The following LRRC4C variants were observed in gnomAD, a reference collection of about 807,000 sequenced individuals.
LRRC4C encodes the protein leucine rich repeat containing 4C, also known as leucine-rich repeat-containing protein 4C.
LRRC4C carries 5 observed loss-of-function variants against 33.6 expected under a neutral mutation model. The observed-to-expected ratio is 0.15, with a 90% CI of 0.08 to 0.31. The LOEUF is 0.31. LRRC4C is among the 10% of genes least tolerant of loss of function. The pLI is 1.00. For missense variants in LRRC4C, 560 were observed against 796.7 expected (o/e 0.70, Z 3.58); for synonymous variants, 329 against 302.0 (o/e 1.09, Z -0.93).
At chr11:40,471,251 A>G (rs915403389) in intron 3 of LRRC4C, among the ~76,000 whole-genome samples, 1 of 152,210 alleles carries the variant, frequency 6.6e-6, no homozygotes, top group Non-Finnish European at 1.5e-5. Flanking sequence ...AAAGAAAAGA[A>G]TTTTCAACCC....
At chr11:40,737,876 A>G (rs940869639) in intron 2 of LRRC4C, among the ~76,000 whole-genome samples, 2 of 152,172 alleles carry the variant, frequency 1.3e-5, no homozygotes, top group African/African-American at 2.4e-5. Flanking sequence ...ACTACTTTAA[A>G]GTTCATATGG....
chr11:40,586,721 T>C (rs1220642220), intron 3 of LRRC4C, among the ~76,000 whole-genome samples: 1 of 150,650 alleles, frequency 6.6e-6, no homozygotes, highest in Non-Finnish European at 1.5e-5. Flanking sequence ...GCACCATTTA[T>C]TAAATAGGGA....
intron 2 of LRRC4C, among the ~76,000 whole-genome samples, chr11:40,873,941 T>A (rs1373973420): frequency 6.6e-6 from 1 of 152,202 alleles, no homozygotes; most frequent in Non-Finnish European, 1.5e-5. Flanking sequence ...TAGTTCAATA[T>A]CCAGTCTTTG....
chr11:40,919,656 T>A (rs1252523216), intron 2 of LRRC4C, among the ~76,000 whole-genome samples: 1 of 152,290 alleles, frequency 6.6e-6, no homozygotes, highest in East Asian at 1.9e-4. Flanking sequence ...TGGGTCTGTA[T>A]GTATCCCCAA....
At chr11:41,399,033 A>G (rs987171468) in intron 1 of LRRC4C, among the ~76,000 whole-genome samples, 1 of 151,974 alleles carries the variant, frequency 6.6e-6, no homozygotes, top group African/African-American at 2.4e-5. Context: ...AAGATTTACA[A>G]TACACAATAT....
intron 2 of LRRC4C, among the ~76,000 whole-genome samples, chr11:40,764,264 G>A (rs918864695): frequency 2.8e-4 from 42 of 152,298 alleles, no homozygotes; most frequent in African/African-American, 9.4e-4. Flanking sequence ...GTCCTGGGAT[G>A]ATTCATTTTC....
intron 3 of LRRC4C, among the ~76,000 whole-genome samples, chr11:40,326,664 C>T (rs1946120544): frequency 6.6e-6 from 1 of 152,060 alleles, no homozygotes; most frequent in Non-Finnish European, 1.5e-5. Context: ...AAAAACATTG[C>T]TTCTGGAGTA....
chr11:41,342,702 G>T (rs1591309884), intron 1 of LRRC4C, among the ~76,000 whole-genome samples: 1 of 152,094 alleles, frequency 6.6e-6, no homozygotes, highest in Non-Finnish European at 1.5e-5. Flanking sequence ...GCAACAGAGC[G>T]AGACTCCATC....
chr11:41,348,137 C>A (rs1012954900), intron 1 of LRRC4C, among the ~76,000 whole-genome samples: 3 of 152,200 alleles, frequency 2.0e-5, no homozygotes, highest in Admixed American at 1.3e-4. Context: ...TCTACTACTT[C>A]CTACCTAAGC....
chr11:40,470,971 A>G (rs1007340204), intron 3 of LRRC4C, among the ~76,000 whole-genome samples: 7 of 152,204 alleles, frequency 4.6e-5, no homozygotes, highest in Admixed American at 3.3e-4. Flanking sequence ...TCAGGATATT[A>G]TCCAGGAGAA....
intron 2 of LRRC4C, among the ~76,000 whole-genome samples, chr11:40,753,662 C>T (rs775977461): frequency 1.3e-5 from 2 of 150,946 alleles, no homozygotes; most frequent in Non-Finnish European, 2.9e-5. Flanking sequence ...TAGAATACTA[C>T]ATAATTTTAT....
Position 41,291,741 on chromosome 11 carries a change from G to A in LRRC4C, c.-496+167690C>T, listed in dbSNP as rs78016191. 4.9e-3 allele frequency among the ~76,000 whole-genome samples: 740 copies of A among 152,214 alleles called. 7 individuals carry two copies. The highest frequency in any genetic ancestry group is 0.017 in the African/African-American group (693 of 41,532). On this transcript the variant is annotated intron_variant, in intron 1 of 6. Coordinates refer to ENST00000528697, the MANE Select transcript of LRRC4C (RefSeq NM_001258419.2). ...GACTGAACAGATCTTAGATTGAGGA[G>A]AATTACCCTCAAACCTTTCTTGTGG...
At chr11:40,859,184 G>C (rs12273872) in intron 2 of LRRC4C, among the ~76,000 whole-genome samples, 1 of 152,146 alleles carries the variant, frequency 6.6e-6, no homozygotes, top group Non-Finnish European at 1.5e-5. Context: ...TAAGAGAATC[G>C]TGGACTAAGC....
intron 2 of LRRC4C, among the ~76,000 whole-genome samples, chr11:40,801,671 C>T (rs914348684): frequency 6.6e-6 from 1 of 152,092 alleles, no homozygotes; most frequent in African/African-American, 2.4e-5. Flanking sequence ...CTCACAGTTA[C>T]TTTTAGAAAG....
intron 1 of LRRC4C, among the ~76,000 whole-genome samples, chr11:41,058,489 G>T (rs1212348851): frequency 6.6e-6 from 1 of 152,258 alleles, no homozygotes; most frequent in East Asian, 1.9e-4. Context: ...AGCACAGCCT[G>T]CTAGGCCAAG....
intron 1 of LRRC4C, among the ~76,000 whole-genome samples, chr11:41,074,636 G>T (rs1938969673): frequency 6.6e-6 from 1 of 152,162 alleles, no homozygotes; most frequent in Non-Finnish European, 1.5e-5. Context: ...AGAGTAAATT[G>T]CTACAAAGAA....
At chr11:40,765,641 A>T (rs139740281) in intron 2 of LRRC4C, among the ~76,000 whole-genome samples, 4 of 152,208 alleles carry the variant, frequency 2.6e-5, no homozygotes, top group Admixed American at 2.0e-4. Flanking sequence ...AAAAATTTTT[A>T]AAAATCAAGC....
At chr11:40,991,019 G>C (rs1321037184) in intron 1 of LRRC4C, among the ~76,000 whole-genome samples, 1 of 149,162 alleles carries the variant, frequency 6.7e-6, no homozygotes, top group African/African-American at 2.5e-5. Context: ...AGCAACTATG[G>C]TTTTTCAGAA....
intron 1 of LRRC4C, among the ~76,000 whole-genome samples, chr11:41,219,102 T>G (rs1185602824): frequency 6.6e-6 from 1 of 152,166 alleles, no homozygotes; most frequent in African/African-American, 2.4e-5. Flanking sequence ...AAATTTTCTT[T>G]GTTTTGTTTT....
Sources: allele counts gnomAD v4.1 joint callset (sites outside exome capture counted in the v4.1 genomes callset), GRCh38; gene constraint gnomAD v4.1.1; transcripts MANE v1.5; gene names NCBI Gene and HGNC (gene_info 2026-07-23, HGNC 2026-07-21).